Variants in NPHP4 observed in about 807,000 individuals in gnomAD.
The protein encoded by NPHP4 is nephrocystin 4.
Under a neutral mutation model 155.8 loss-of-function variants are expected in NPHP4, and 151 were observed. The observed-to-expected ratio is 0.97, with a 90% confidence interval of 0.85 to 1.11. The LOEUF is 1.11. Among genes scored for constraint, NPHP4 ranks in the 50% least tolerant of loss-of-function variants. NPHP4 has a pLI of 0.00. For missense variants in NPHP4, 1,956 were observed against 1,925.7 expected (o/e 1.02, Z -0.29); for synonymous variants, 845 against 816.8 (o/e 1.03, Z -0.59).
chr1:5,918,011 G>A (rs539129266), intron 11 of NPHP4, among the ~76,000 whole-genome samples: 40 of 152,350 alleles, frequency 2.6e-4, no homozygotes, highest in African/African-American at 8.2e-4. Flanking sequence ...CGCACGCAGC[G>A]AGAGTGAGAA....
At position 5,891,688 on chromosome 1, in the gene NPHP4, A is replaced by G. The variant is rs112606776; in HGVS notation, c.2144-660T>C. ...TCGAGGAACAGCAATGGTGAGAAGCATTTCAAAACAACATTATTTCTCTTT... is the reference window on the plus strand; with the variant it reads ...TCGAGGAACAGCAATGGTGAGAAGCGTTTCAAAACAACATTATTTCTCTTT... On this transcript the variant is annotated intron_variant, in intron 16 of 29. Coordinates refer to ENST00000378156, the MANE Select transcript of NPHP4 (RefSeq NM_015102.5). Among the ~76,000 whole-genome samples, 770 of 152,392 alleles carry G rather than the reference A, an allele frequency of 5.1e-3. 7 individuals carry two copies. The highest frequency in any genetic ancestry group is 0.017 in the African/African-American group (724 of 41,592).
chr1:5,897,528 C>A (rs1644453178), intron 16 of NPHP4, among the ~76,000 whole-genome samples: 4 of 152,182 alleles, frequency 2.6e-5, no homozygotes, highest in Admixed American at 1.3e-4. Context: ...TCGCTCCCGG[C>A]ATTCAAGAAC....
At chr1:5,926,221 T>C (rs943633055) in intron 11 of NPHP4, among the ~76,000 whole-genome samples, 1 of 152,120 alleles carries the variant, frequency 6.6e-6, no homozygotes, top group Non-Finnish European at 1.5e-5. Flanking sequence ...AACAAAACAA[T>C]TAAAACCATC....
chr1:5,865,087 C>T lies in NPHP4; in HGVS notation c.3816+15G>A. 6.2e-7 allele frequency: 1 copy of T among 1,612,794 alleles called. No individual in the cohort carries two copies. Among genetic ancestry groups the T allele is most frequent in the East Asian group, 2.2e-5 (1 of 44,852 alleles). ...GTTGGGGAGAGGCTCAGAACAGCCC[C>T]CAGAGAGGCCGTACCTTCAGCTCCT... On this transcript the variant is annotated intron_variant, in intron 27 of 29. Transcript: ENST00000378156.
chr1:5,958,976 C>A (rs1315734991), intron 6 of NPHP4, among the ~76,000 whole-genome samples: 7 of 146,966 alleles, frequency 4.8e-5, no homozygotes, highest in African/African-American at 1.8e-4. Context: ...ACTGGCACCC[C>A]AAACACAACA....
intron 11 of NPHP4, among the ~76,000 whole-genome samples, chr1:5,922,855 C>T (rs144127353): frequency 3.3e-5 from 5 of 152,056 alleles, no homozygotes; most frequent in East Asian, 3.9e-4. Context: ...CTGGCTTAGC[C>T]GGGCACGGTG....
intron 11 of NPHP4, among the ~76,000 whole-genome samples, chr1:5,926,616 T>C (rs1322367420): frequency 6.6e-6 from 1 of 152,222 alleles, no homozygotes; most frequent in Non-Finnish European, 1.5e-5. Context: ...TAGAAATGCA[T>C]GTGCTGCTTC....
At position 5,892,013 on chromosome 1, in the gene NPHP4, G is replaced by A. The variant is rs140415927; in HGVS notation, c.2144-985C>T. 1.4e-4 allele frequency among the ~76,000 whole-genome samples: 21 copies of A among 152,374 alleles called. No homozygotes were observed. Among genetic ancestry groups the A allele is most frequent in the African/African-American group, 4.6e-4 (19 of 41,592 alleles). The stretch of plus-strand genomic sequence containing the variant: ...CAAGGACCCACTGCTCAGGCCCGGC[G>A]CTGGCCACAGCAGGAGCTCACGGGG... On this transcript the variant is annotated intron_variant, in intron 16 of 29. Coordinates refer to ENST00000378156, the MANE Select transcript of NPHP4 (RefSeq NM_015102.5). This position sits in a 1 kb window ranked among gnomAD's most constrained non-coding sequence, Gnocchi z 4.5.
rs3747983 is a variant in NPHP4 at position 5,978,177 on chromosome 1, G to C, written c.279+93C>G. 2,529 of 1,238,760 alleles carry C rather than the reference G, an allele frequency of 2.0e-3. 78 individuals carry two copies. In the East Asian group the frequency reaches 0.055, roughly 27 times the overall value. 76.7% of individuals were successfully genotyped at this position (1,238,760 alleles called of 1,614,324 possible). A position where few individuals can be genotyped will look rare whatever the true frequency, so the allele number is the denominator to read the frequency against. On this transcript the variant is annotated intron_variant, in intron 3 of 29. Transcript: ENST00000378156. ...AGTCTGAGACGCGCTGTGAGGTCTC[G>C]GCAAGGCCCCAGTCTCTGGGCTGCC... is the stretch of plus-strand genomic sequence containing the variant.
chr1:5,951,457 C>T (rs1330729091), intron 7 of NPHP4, among the ~76,000 whole-genome samples: 2 of 152,208 alleles, frequency 1.3e-5, no homozygotes, highest in Non-Finnish European at 2.9e-5. Flanking sequence ...TGCCCACAAC[C>T]CAGGTCTGAG....
Position 5,876,740 on chromosome 1 carries a change from T to C in NPHP4, c.2817+353A>G, listed in dbSNP as rs114627854. ...ATTTTTCTAGCCAGAATGATTACAT[T>C]GACAACCCAGGATATGTCAGTTGTT... On this transcript the variant is annotated intron_variant, in intron 20 of 29. Transcript: ENST00000378156. 2.2e-3 allele frequency: 530 copies of C among 238,214 alleles called. 3 individuals are homozygous for C. Among genetic ancestry groups the C allele is most frequent in the African/African-American group, 0.01 (471 of 44,874 alleles). The allele number at this position is 238,214 out of a possible 1,614,324, so 14.8% of individuals were successfully genotyped here. A position where few individuals can be genotyped will look rare whatever the true frequency, so the allele number is the denominator to read the frequency against.
chr1:5,978,219 A>G (rs1654038506), intron 3 of NPHP4, 51 bp downstream of exon 3: 1 of 1,561,286 alleles, frequency 6.4e-7, no homozygotes, highest in Non-Finnish European at 8.7e-7. Context: ...GACCACCCGC[A>G]CACACACCCT....
chr1:5,912,157 G>A (rs1387073422), intron 11 of NPHP4, among the ~76,000 whole-genome samples: 1 of 152,256 alleles, frequency 6.6e-6, no homozygotes, highest in Non-Finnish European at 1.5e-5. Flanking sequence ...GCAGAACCCG[G>A]CAGATCCTGC....
intron 9 of NPHP4, among the ~76,000 whole-genome samples, chr1:5,937,325 G>A (rs1646594626): frequency 6.6e-6 from 1 of 152,234 alleles, no homozygotes; most frequent in African/African-American, 2.4e-5. Context: ...AGCTGTGAGA[G>A]CACACATTTC....
chr1:5,951,697 T>C (rs6662680), intron 7 of NPHP4, among the ~76,000 whole-genome samples: 127,659 of 152,256 alleles, frequency 0.84, 53,786 homozygotes, highest in African/African-American at 0.94. Flanking sequence ...CCAATTTTTC[T>C]AGACCAAGGA....
chr1:5,924,957 G>GT (rs1445585269), intron 11 of NPHP4, among the ~76,000 whole-genome samples: 34 of 152,156 alleles, frequency 2.2e-4, no homozygotes, highest in Non-Finnish European at 7.3e-5. Context: ...TGCCTGGCCT[G>GT]TATCATAATT....
At chr1:5,943,910 A>G (rs796225368) in intron 9 of NPHP4, among the ~76,000 whole-genome samples, 51 of 152,286 alleles carry the variant, frequency 3.3e-4, no homozygotes, top group African/African-American at 1.1e-3. Context: ...CCAATAGCCC[A>G]GGTGGAACGG....
chr1:5,873,722 T>A, intron 22 of NPHP4: 1 of 321,406 alleles, frequency 3.1e-6, no homozygotes, highest in African/African-American at 2.2e-5. Flanking sequence ...AAACACACAC[T>A]CCACACCCCA....
intron 11 of NPHP4, among the ~76,000 whole-genome samples, chr1:5,913,418 C>A (rs1346335107): frequency 6.6e-6 from 1 of 152,214 alleles, no homozygotes; most frequent in Non-Finnish European, 1.5e-5. Flanking sequence ...TCTGAAGATT[C>A]CTTTTCCCTG....
Sources: allele counts gnomAD v4.1 joint callset (sites outside exome capture counted in the v4.1 genomes callset), GRCh38; gene constraint gnomAD v4.1.1; non-coding constraint Gnocchi (gnomAD v3.1); transcripts MANE v1.5; gene names NCBI Gene and HGNC (gene_info 2026-07-23, HGNC 2026-07-21).